TBC1D12: variants seen among roughly 807,000 people sequenced by gnomAD.
The protein encoded by TBC1D12 is TBC1 domain family member 12.
Under a neutral mutation model 86.7 loss-of-function variants are expected in TBC1D12, and 56 were observed. That is an observed-to-expected ratio of 0.65 (90% confidence interval 0.52 to 0.81). The LOEUF (loss-of-function observed/expected upper bound fraction) is 0.81. Among genes scored for constraint, TBC1D12 ranks in the 30% least tolerant of loss-of-function variants. The pLI is 0.00. For missense variants in TBC1D12, 1,023 were observed against 1,038.8 expected (o/e 0.98, Z 0.21); for synonymous variants, 421 against 411.7 (o/e 1.02, Z -0.27).
intron 2 of TBC1D12, among the ~76,000 whole-genome samples, chr10:94,445,929 C>T (rs1490699053): frequency 6.7e-6 from 1 of 149,194 alleles, no homozygotes; most frequent in Non-Finnish European, 1.5e-5. Context: ...GCCTGGGTGA[C>T]AAGATTAAAA....
intron 3 of TBC1D12, among the ~76,000 whole-genome samples, chr10:94,477,658 T>C (rs2056011964): frequency 6.6e-6 from 1 of 152,180 alleles, no homozygotes; most frequent in African/African-American, 2.4e-5. Context: ...TGTTTATGGA[T>C]GCAGGCAGAT....
At chr10:94,411,756 C>T (rs1045369688) in intron 1 of TBC1D12, among the ~76,000 whole-genome samples, 3 of 152,054 alleles carry the variant, frequency 2.0e-5, no homozygotes, top group Admixed American at 1.3e-4. Context: ...CCAAGGAGTT[C>T]AAGGCTGCCT....
chr10:94,518,788 T>C (rs1266356467), intron 9 of TBC1D12, among the ~76,000 whole-genome samples: 1 of 152,188 alleles, frequency 6.6e-6, no homozygotes, highest in Non-Finnish European at 1.5e-5. Context: ...ATGCATAATA[T>C]TCCGGGCTGG....
chr10:94,452,297 C>T (rs755335058), intron 2 of TBC1D12, among the ~76,000 whole-genome samples: 17 of 152,044 alleles, frequency 1.1e-4, no homozygotes, highest in Non-Finnish European at 2.2e-4. Flanking sequence ...CACACAGTCA[C>T]TCAAAGTCCA....
At chr10:94,531,764 T>G (rs940341931) in intron 12 of TBC1D12, among the ~76,000 whole-genome samples, 41 of 116,742 alleles carry the variant, frequency 3.5e-4, no homozygotes, top group Admixed American at 8.3e-4. Context: ...TTTATTTTAT[T>G]TTATTTTATG....
Position 94,402,756 on chromosome 10 carries a change from C to T in TBC1D12, c.143C>T (p.Pro48Leu), listed in dbSNP as rs761777632. 2 of 1,547,808 alleles carry T rather than the reference C, an allele frequency of 1.3e-6. No homozygotes were observed. Among genetic ancestry groups the T allele is most frequent in the Non-Finnish European group, 1.7e-6 (2 of 1,145,288 alleles). ...GGCGGAGGCGTCGGCGCTGTGGAGC[C>T]GCCGGAGGAGGCTGACGAGGAGGAG... ...GFGGGVGAVE[P>L]PEEADEEEEA... The change falls in exon 1 of 13, where the codon CCG (proline) becomes CTG (leucine). Residue 48 changes from proline to leucine, a missense_variant. Transcript: ENST00000225235.
chr10:94,455,960 AAAAG>A (rs1188153538), intron 2 of TBC1D12, among the ~76,000 whole-genome samples: 1 of 152,154 alleles, frequency 6.6e-6, no homozygotes, highest in Non-Finnish European at 1.5e-5. Context: ...AAGAAAAAAA[AAAAG>A]AATTGTTCAT....
Position 94,403,358 on chromosome 10 carries a change from C to A in TBC1D12, c.745C>A (p.Pro249Thr), listed in dbSNP as rs1304016034. The A allele has an allele frequency of 6.5e-7, 1 of 1,527,230 alleles. No homozygotes were observed. The highest frequency in any genetic ancestry group is 8.8e-7 in the Non-Finnish European group (1 of 1,137,874). 94.6% of individuals were successfully genotyped at this position (1,527,230 alleles called of 1,614,324 possible). The part of the protein sequence containing the change: ...GAGGPEEGAP[P>T]ATSAERTNGG... ...CGGGGGTCCCGAGGAGGGCGCGCCC[C>A]CTGCCACCTCGGCCGAGAGGACTAA... is the stretch of plus-strand genomic sequence containing the variant. The change falls in exon 1 of 13, where the codon CCT (proline) becomes ACT (threonine). Residue 249 changes from proline to threonine, a missense_variant. This residue lies in a region of TBC1D12 where 628 missense variants were observed against 531.1 expected (regional missense o/e 1.18). Transcript: ENST00000225235.
At chr10:94,437,272 G>T (rs1473992878) in intron 1 of TBC1D12, among the ~76,000 whole-genome samples, 1 of 151,888 alleles carries the variant, frequency 6.6e-6, no homozygotes, top group Non-Finnish European at 1.5e-5. Context: ...TAAAGTTGTT[G>T]AGTTTCTTGG....
chr10:94,439,681 C>G (rs958292972), intron 1 of TBC1D12, among the ~76,000 whole-genome samples: 12 of 152,112 alleles, frequency 7.9e-5, no homozygotes, highest in African/African-American at 2.9e-4. Context: ...CTTTGGTGCC[C>G]TCTACCCAGA....
intron 2 of TBC1D12, among the ~76,000 whole-genome samples, chr10:94,472,563 A>T (rs2055924694): frequency 6.6e-6 from 1 of 152,232 alleles, no homozygotes; most frequent in South Asian, 2.1e-4. Context: ...CAGTGAAACC[A>T]GGTTACCTTG....
Position 94,403,534 on chromosome 10 carries a change from G to A in TBC1D12, c.921G>A (p.Gly307=), listed in dbSNP as rs759968132. 7.2e-6 allele frequency: 11 copies of A among 1,530,348 alleles called. No individual in the cohort carries two copies. The highest frequency in any genetic ancestry group is 4.3e-5 in the Admixed American group (2 of 46,816). 94.8% of individuals were successfully genotyped at this position (1,530,348 alleles called of 1,614,324 possible). A position where few individuals can be genotyped will look rare whatever the true frequency, so the allele number is the denominator to read the frequency against. The change falls in exon 1 of 13, where the codon GGG becomes GGA. Residue 307 remains glycine, a synonymous_variant. Coordinates refer to ENST00000225235, the MANE Select transcript of TBC1D12 (RefSeq NM_015188.2). ...CCGCCGCGGAGCAGGGTCCTGCGGG[G>A]GCTTCGGCCCGGGCTCGACGGAGTG... ...PLPAAEQGPA[G]ASARARRSGG...
intron 1 of TBC1D12, among the ~76,000 whole-genome samples, chr10:94,408,517 A>G (rs2054886469): frequency 6.6e-6 from 1 of 152,150 alleles, no homozygotes; most frequent in South Asian, 2.1e-4. Context: ...TTTATTAAAT[A>G]TGACATGGAA....
At chr10:94,436,282 C>T (rs548104531) in intron 1 of TBC1D12, among the ~76,000 whole-genome samples, 22 of 151,788 alleles carry the variant, frequency 1.4e-4, no homozygotes, top group South Asian at 2.1e-4. Flanking sequence ...ACTACAGGCG[C>T]GCGCCACCAC....
chr10:94,407,563 A>T (rs770985759), intron 1 of TBC1D12, among the ~76,000 whole-genome samples: 47 of 152,258 alleles, frequency 3.1e-4, no homozygotes, highest in Non-Finnish European at 2.1e-4. Flanking sequence ...GGGTGCCTGT[A>T]ATCCCAGCTA....
At chr10:94,455,371 T>C (rs185436393) in intron 2 of TBC1D12, among the ~76,000 whole-genome samples, 12 of 152,284 alleles carry the variant, frequency 7.9e-5, no homozygotes, top group Admixed American at 7.8e-4. Context: ...TGCCTTTGTC[T>C]AGTTTTGGTA....
At chr10:94,430,517 T>C (rs1412261474) in intron 1 of TBC1D12, among the ~76,000 whole-genome samples, 2 of 152,244 alleles carry the variant, frequency 1.3e-5, no homozygotes, top group African/African-American at 2.4e-5. Flanking sequence ...TCAATAAATT[T>C]TGCCCCTTTT....
intron 1 of TBC1D12, among the ~76,000 whole-genome samples, chr10:94,418,779 G>A (rs1355541549): frequency 6.6e-6 from 1 of 151,720 alleles, no homozygotes; most frequent in Non-Finnish European, 1.5e-5. Context: ...CGCCATGTTG[G>A]TCAGGCTGGT....
intron 3 of TBC1D12, among the ~76,000 whole-genome samples, chr10:94,477,881 T>G (rs113707420): frequency 6.6e-6 from 1 of 152,180 alleles, no homozygotes; most frequent in African/African-American, 2.4e-5. Flanking sequence ...GGATGTGAGG[T>G]TGTGCAGAGA....
Sources: gnomAD v4.1 joint callset for allele counts (sites outside exome capture counted in the v4.1 genomes callset) on GRCh38, gnomAD v4.1.1 for gene constraint, gnomAD v4.1.1 regional missense constraint, MANE v1.5 for transcripts, NCBI Gene and HGNC (gene_info 2026-07-23, HGNC 2026-07-21) for gene names.